STAM: variants seen among roughly 807,000 people sequenced by gnomAD.
STAM encodes signal transducing adaptor molecule.
A neutral mutation model predicts 63.4 loss-of-function variants in STAM; 16 were observed. The ratio of observed to expected loss-of-function variants is 0.25; its 90% CI spans 0.17 to 0.38. The LOEUF (loss-of-function observed/expected upper bound fraction) is 0.38. Among genes scored for constraint, STAM ranks in the 10% least tolerant of loss-of-function variants. The pLI is 1.00. For missense variants in STAM, 636 were observed against 657.1 expected (o/e 0.97, Z 0.35); for synonymous variants, 238 against 223.9 (o/e 1.06, Z -0.56).
At chr10:17,690,012 A>G (rs1204286574) in intron 5 of STAM, among the ~76,000 whole-genome samples, 1 of 152,204 alleles carries the variant, frequency 6.6e-6, no homozygotes, top group Non-Finnish European at 1.5e-5. Flanking sequence ...TGCCATATGT[A>G]CCCTTGTTTG....
rs371145902 is a variant in STAM, at chr10:17,652,336, C to T, written c.40+7957C>T. Among the ~76,000 whole-genome samples, 70 of 152,152 alleles carry T rather than the reference C, an allele frequency of 4.6e-4. 1 individual carries two copies. In the East Asian group the frequency reaches 7.9e-3, roughly 17 times the overall value. On this transcript the variant is annotated intron_variant, in intron 1 of 13. Transcript: ENST00000377524. ...AGACAGCCTCAATAAATGATGTGAACAATTTTAGATTTCTGAAGTGGGTTG... is the reference window on the plus strand; with the variant it reads ...AGACAGCCTCAATAAATGATGTGAATAATTTTAGATTTCTGAAGTGGGTTG...
intron 2 of STAM, among the ~76,000 whole-genome samples, chr10:17,662,369 C>G (rs1160161427): frequency 2.0e-5 from 3 of 152,150 alleles, no homozygotes; most frequent in African/African-American, 7.2e-5. Context: ...TCCTTTCAGA[C>G]CCAATGTAGA....
At chr10:17,664,799 A>T (rs116979560) in intron 2 of STAM, among the ~76,000 whole-genome samples, 3 of 152,086 alleles carry the variant, frequency 2.0e-5, no homozygotes. Flanking sequence ...AAAAATTATT[A>T]TTGCTATTTG....
intron 5 of STAM, among the ~76,000 whole-genome samples, chr10:17,689,264 T>G (rs1835431422): frequency 6.6e-6 from 1 of 152,232 alleles, no homozygotes; most frequent in Non-Finnish European, 1.5e-5. Flanking sequence ...TGGGACAGAC[T>G]GTAATGAGTG....
chr10:17,706,676 G>A (rs1411312489), intron 12 of STAM, among the ~76,000 whole-genome samples: 6 of 152,104 alleles, frequency 3.9e-5, no homozygotes, highest in Non-Finnish European at 7.4e-5. Context: ...ATCGCGCCCG[G>A]CCGAGGCCCA....
intron 2 of STAM, among the ~76,000 whole-genome samples, chr10:17,676,764 A>G (rs1485690883): frequency 2.6e-5 from 4 of 152,158 alleles, no homozygotes; most frequent in Admixed American, 1.3e-4. Flanking sequence ...CTTGTAATCA[A>G]CTTTCATTTG....
chr10:17,696,747 G>A, intron 7 of STAM, 28 bp from the exon 8 acceptor site: 1 of 1,463,848 alleles, frequency 6.8e-7, no homozygotes, highest in Non-Finnish European at 9.6e-7. Flanking sequence ...ATTTGTTATG[G>A]TAAAGCATTG....
intron 4 of STAM, among the ~76,000 whole-genome samples, chr10:17,686,216 C>T (rs1295014529): frequency 1.3e-5 from 2 of 151,974 alleles, no homozygotes; most frequent in Non-Finnish European, 2.9e-5. Flanking sequence ...ATTCTAATAC[C>T]ATGTTTTTTG....
intron 12 of STAM, among the ~76,000 whole-genome samples, chr10:17,706,438 C>A (rs1836280423): frequency 1.6e-5 from 2 of 122,588 alleles, no homozygotes; most frequent in Admixed American, 2.2e-4. Context: ...GAGTGCAGTG[C>A]TGCAATCTCA....
At chr10:17,681,921 A>T (rs187572533) in intron 2 of STAM, among the ~76,000 whole-genome samples, 4 of 152,334 alleles carry the variant, frequency 2.6e-5, no homozygotes, top group African/African-American at 9.6e-5. Context: ...ATGAATGATT[A>T]CTCTGCTTTA....
rs543684716 is a variant in STAM, at chr10:17,656,983, G to A, written c.41-3481G>A. 2.0e-5 allele frequency among the ~76,000 whole-genome samples: 3 copies of A among 152,246 alleles called. No individual in the cohort carries two copies. In the East Asian group the frequency reaches 5.8e-4, roughly 29 times the overall value. On this transcript the variant is annotated intron_variant, in intron 1 of 13. Transcript: ENST00000377524. ...AGAGTGGGCGGCCCACATGCGCAGT[G>A]CCCTCCTTATACTTGGGAGGTGAGC...
rs1408541679 is a variant in STAM, at chr10:17,704,469, A to G, written c.951A>G (p.Thr317=). ...AGTTGCTACAGATGCTGCAAAGTAC[A>G]GACCCCAGTGATGATCAGCCAGACC... ...MDQLLQMLQS[T]DPSDDQPDLP... Residue 317 remains threonine, a synonymous_variant, in exon 10 of 14, where the codon ACA becomes ACG. Coordinates refer to ENST00000377524, the MANE Select transcript of STAM (RefSeq NM_003473.4). The G allele has an allele frequency of 7.4e-6, 12 of 1,614,052 alleles. No homozygotes were observed. The highest frequency in any genetic ancestry group is 1.3e-5 in the African/African-American group (1 of 74,942).
chr10:17,651,663 G>C (rs1345309396), intron 1 of STAM, among the ~76,000 whole-genome samples: 1 of 152,032 alleles, frequency 6.6e-6, no homozygotes, highest in Non-Finnish European at 1.5e-5. Context: ...TTCTTTTTCT[G>C]GTTAGCAGAG....
Position 17,715,073 on chromosome 10 carries a change from A to G in STAM, c.*293A>G, listed in dbSNP as rs549076553. 57 of 394,100 alleles carry G rather than the reference A, an allele frequency of 1.4e-4. No homozygotes were observed. The highest frequency in any genetic ancestry group is 1.1e-3 in the African/African-American group (54 of 49,300). 24.4% of individuals were successfully genotyped at this position (394,100 alleles called of 1,614,324 possible). On this transcript the variant is annotated 3_prime_UTR_variant, in exon 14 of 14. Transcript: ENST00000377524. ...CGTAAACCTGGTCTGCAGAAAGTCA[A>G]ACTTACAAAAACTGTTGTGACAAAT...
chr10:17,653,814 G>GT (rs1183782053), intron 1 of STAM, among the ~76,000 whole-genome samples: 1 of 152,124 alleles, frequency 6.6e-6, no homozygotes, highest in Non-Finnish European at 1.5e-5. Flanking sequence ...ATACATTTTG[G>GT]TATCTGTGGA....
chr10:17,705,669 G>GATGTATTCC lies in STAM; in HGVS notation c.1144_1152dup (p.Ser382_Tyr384dup), dbSNP rs1219045529. ...ATACCAAGTTAATGAACGAAGATCC[G>GATGTATTCC]ATGTATTCCATGTATGCAAAGTTAC... On this transcript the variant is annotated inframe_insertion, in exon 12 of 14. Coordinates refer to ENST00000377524, the MANE Select transcript of STAM (RefSeq NM_003473.4). 6.2e-7 allele frequency: 1 copy of GATGTATTCC among 1,613,844 alleles called. No homozygotes were observed. Among genetic ancestry groups the GATGTATTCC allele is most frequent in the East Asian group, 2.2e-5 (1 of 44,892 alleles).
intron 2 of STAM, among the ~76,000 whole-genome samples, chr10:17,683,882 AG>A (rs1325932490): frequency 5.3e-5 from 8 of 152,182 alleles, no homozygotes; most frequent in Non-Finnish European, 1.0e-4. Context: ...TTTGAGCATC[AG>A]GTGTTGTATT....
At chr10:17,647,483 G>A (rs571913840) in intron 1 of STAM, among the ~76,000 whole-genome samples, 16 of 151,810 alleles carry the variant, frequency 1.1e-4, no homozygotes, top group East Asian at 1.9e-4. Flanking sequence ...GCTCAGTTCC[G>A]GAGCCTCTTC....
At chr10:17,654,474 G>A (rs558975954) in intron 1 of STAM, among the ~76,000 whole-genome samples, 4 of 152,070 alleles carry the variant, frequency 2.6e-5, no homozygotes, top group Admixed American at 6.5e-5. Flanking sequence ...CGCCCACCTC[G>A]GCCTCCCAAA....
Sources: gnomAD v4.1 joint callset for allele counts (sites outside exome capture counted in the v4.1 genomes callset) on GRCh38, gnomAD v4.1.1 for gene constraint, MANE v1.5 for transcripts, NCBI Gene and HGNC (gene_info 2026-07-23, HGNC 2026-07-21) for gene names.